USP8: variants seen among roughly 807,000 people sequenced by gnomAD.
USP8 encodes ubiquitin specific peptidase 8, also known as ubiquitin carboxyl-terminal hydrolase 8.
In USP8, 27 loss-of-function variants were observed where a neutral mutation model predicts 130.0. The ratio of observed to expected loss-of-function variants is 0.21; its 90% confidence interval spans 0.15 to 0.29. USP8 has a LOEUF of 0.29. Among genes scored for constraint, USP8 ranks in the 10% least tolerant of loss-of-function variants. The probability of loss-of-function intolerance (pLI) is 1.00; values close to 1 mark genes in which losing one functional copy is unlikely to be tolerated. For synonymous variants in USP8, 392 were observed against 444.1 expected, an observed-to-expected ratio of 0.88 and a Z score of 1.48; for missense variants, 1,029 against 1,312.2, an observed-to-expected ratio of 0.78 and a Z score of 3.33.
Position 50,441,396 on chromosome 15 carries a change from G to A in USP8, c.152G>A (p.Arg51Lys). Residue 51 changes from arginine (R) to lysine (K), a missense_variant, in exon 3 of 20, where the codon AGA becomes AAA. Arg to Lys is a conservative substitution (Grantham distance 26). Around this residue, in one of 4 missense-constraint regions of USP8, gnomAD observed 281 missense variants for 336.7 expected, o/e 0.83. Transcript: ENST00000307179. Reference protein sequence around the residue: ...LKIFKTAEECRLDRDEERAYV... With the variant: ...LKIFKTAEECKLDRDEERAYV... ...ATCTTTAAGACAGCAGAAGAATGCA[G>A]ATTAGATCGTGATGAGGAAAGGGCC... 2 of 1,610,020 alleles carry A rather than the reference G, an allele frequency of 1.2e-6. No individual in the cohort carries two copies. The highest frequency in any genetic ancestry group is 1.7e-6 in the Non-Finnish European group (2 of 1,179,316).
intron 1 of USP8, among the ~76,000 whole-genome samples, chr15:50,431,490 C>A (rs1479939265): frequency 6.6e-6 from 1 of 151,972 alleles, no homozygotes; most frequent in Non-Finnish European, 1.5e-5. Flanking sequence ...TCTTGTTAGT[C>A]AACATTTTTT....
At chr15:50,496,142 A>C in intron 17 of USP8, 58 bp downstream of exon 17, 5 of 1,355,976 alleles carry the variant, frequency 3.7e-6, no homozygotes, top group Non-Finnish European at 5.1e-6. Flanking sequence ...GTTTTTATGG[A>C]TATAGAGATG....
At chr15:50,498,560 CCT>C (rs759804961) in intron 18 of USP8, 34 bp from the exon 19 acceptor site, 1 of 1,567,802 alleles carries the variant, frequency 6.4e-7, no homozygotes, top group South Asian at 1.2e-5. Context: ...CTGGTATCTT[CCT>C]CTGTCAGTGT....
chr15:50,432,068 A>G (rs1346499179), intron 1 of USP8, among the ~76,000 whole-genome samples: 1 of 152,194 alleles, frequency 6.6e-6, no homozygotes, highest in Non-Finnish European at 1.5e-5. Context: ...TTAAAGCCTT[A>G]TAGTAATTGT....
chr15:50,456,883 GAAAAAAAGAAAAAGA>G (rs1310431444), intron 4 of USP8, among the ~76,000 whole-genome samples: 6 of 151,426 alleles, frequency 4.0e-5, no homozygotes, highest in African/African-American at 1.2e-4. Context: ...GAGACTCTGT[GAAAAAAAGAAAAAGA>G]AAAAAAAGAA....
Position 50,471,750 on chromosome 15 carries a change from A to G in USP8, c.804A>G (p.Leu268=), listed in dbSNP as rs1453601268. Residue 268 remains leucine (L), a synonymous_variant, in exon 8 of 20, where the codon TTA becomes TTG. Coordinates refer to ENST00000307179, the MANE Select transcript of USP8 (RefSeq NM_005154.5). ...ACTGGTTTAGTTCTGCCAAAGATTT[A>G]CAGATTGGAACAACTCTCCGGAGTC... ...LLDWFSSAKD[L]QIGTTLRSLK... 17 of 1,613,984 alleles carry G rather than the reference A, an allele frequency of 1.1e-5. No homozygotes were observed. Among genetic ancestry groups the G allele is most frequent in the Non-Finnish European group, 1.4e-5 (16 of 1,180,038 alleles).
At chr15:50,434,230 A>G (rs761032736) in intron 1 of USP8, among the ~76,000 whole-genome samples, 1 of 151,706 alleles carries the variant, frequency 6.6e-6, no homozygotes, top group African/African-American at 2.4e-5. Flanking sequence ...AGCCTCCTGA[A>G]TAGCTGGGAT....
At chr15:50,462,432 C>A in intron 6 of USP8, 110 bp downstream of exon 6, 2 of 903,478 alleles carry the variant, frequency 2.2e-6, no homozygotes, top group Non-Finnish European at 1.6e-6. Flanking sequence ...TGTCTAATCT[C>A]TATGTAAGCT....
rs2052574340 is a variant in USP8 at position 50,500,958 on chromosome 15, A to G, written c.*1870A>G. The stretch of plus-strand genomic sequence containing the variant: ...CCTTATTCTAAATTAAAAGGAAGTG[A>G]TAATTTTGTTGTTAAATCATGCATA... On this transcript the variant is annotated 3_prime_UTR_variant, in exon 20 of 20. Coordinates refer to ENST00000307179, the MANE Select transcript of USP8 (RefSeq NM_005154.5). The G allele has an allele frequency of 5.8e-6, 5 of 858,450 alleles. No individual in the cohort carries two copies. In the South Asian group the frequency reaches 7.7e-5, roughly 13 times the overall value. 53.2% of individuals were successfully genotyped at this position (858,450 alleles called of 1,614,324 possible). A position where few individuals can be genotyped will look rare whatever the true frequency, so the allele number is the denominator to read the frequency against.
intron 4 of USP8, among the ~76,000 whole-genome samples, chr15:50,454,530 G>C (rs962483872): frequency 2.8e-5 from 4 of 144,812 alleles, no homozygotes; most frequent in African/African-American, 1.0e-4. Context: ...ATCTTGGCTT[G>C]CTGCAGCCTC....
At chr15:50,449,526 A>G (rs1395722095) in intron 4 of USP8, 41 bp downstream of exon 4, 3 of 1,312,160 alleles carry the variant, frequency 2.3e-6, no homozygotes, top group African/African-American at 1.5e-5. Flanking sequence ...GTAAATTTAG[A>G]AGATAAAAAT....
chr15:50,474,929 C>T (rs902319326), intron 8 of USP8, among the ~76,000 whole-genome samples: 5 of 152,018 alleles, frequency 3.3e-5, no homozygotes, highest in African/African-American at 9.6e-5. Flanking sequence ...GCCAACATGG[C>T]GAAACCCCAT....
intron 11 of USP8, among the ~76,000 whole-genome samples, chr15:50,483,566 G>A (rs896949264): frequency 6.6e-6 from 1 of 152,192 alleles, no homozygotes; most frequent in Non-Finnish European, 1.5e-5. Context: ...AGGCCTAGAC[G>A]AGCGGATCAC....
chr15:50,482,387 A>G (rs777126824), intron 11 of USP8, among the ~76,000 whole-genome samples: 3 of 152,270 alleles, frequency 2.0e-5, no homozygotes, highest in Admixed American at 6.5e-5. Context: ...AGAGTGAAAT[A>G]TAATCTCCTT....
intron 17 of USP8, among the ~76,000 whole-genome samples, chr15:50,496,621 A>ATTGT (rs1336729821): frequency 6.6e-6 from 1 of 151,800 alleles, no homozygotes; most frequent in Non-Finnish European, 1.5e-5. Flanking sequence ...GGATTTCAGG[A>ATTGT]TTGTTAGTAT....
intron 4 of USP8, among the ~76,000 whole-genome samples, chr15:50,455,903 A>G (rs571820860): frequency 3.5e-4 from 53 of 152,296 alleles, no homozygotes; most frequent in African/African-American, 1.3e-3. Context: ...TGGGGTCTTT[A>G]TTGGAATTTT....
rs976080656 is a variant in USP8, at chr15:50,500,752, G to A, written c.*1664G>A. On this transcript the variant is annotated 3_prime_UTR_variant, in exon 20 of 20. Coordinates refer to ENST00000307179, the MANE Select transcript of USP8 (RefSeq NM_005154.5). The stretch of plus-strand genomic sequence containing the variant: ...AGTATCTGGAATCTCACTGACTCGT[G>A]TGTTATCAAAGCTATATCAGGCCTG... 3 of 1,577,764 alleles carry A rather than the reference G, an allele frequency of 1.9e-6. No individual in the cohort carries two copies. The highest frequency in any genetic ancestry group is 2.3e-5 in the East Asian group (1 of 43,550).
In USP8 at chr15:50,439,286, C is replaced by G. The variant is rs1369207928; in HGVS notation, c.104+109C>G. On this transcript the variant is annotated intron_variant, in intron 2 of 19. Coordinates refer to ENST00000307179, the MANE Select transcript of USP8 (RefSeq NM_005154.5). ...GTTTATTTGAAAAATAACACCATCA[C>G]ACGAATAAAGTAGGACCTCCTTAGA... The G allele has an allele frequency of 8.4e-6, 6 of 710,524 alleles. 1 individual carries two copies. The highest frequency in any genetic ancestry group is 1.3e-5 in the Non-Finnish European group (6 of 453,066). The allele number at this position is 710,524 out of a possible 1,614,324, so 44.0% of individuals were successfully genotyped here.
intron 1 of USP8, among the ~76,000 whole-genome samples, chr15:50,433,806 C>T (rs535317597): frequency 7.2e-5 from 11 of 152,188 alleles, no homozygotes; most frequent in East Asian, 1.9e-4. Flanking sequence ...GGGGTTTCAC[C>T]GTGTTAGCCA....
Sources: allele counts gnomAD v4.1 joint callset (sites outside exome capture counted in the v4.1 genomes callset), GRCh38; gene constraint gnomAD v4.1.1; regional missense constraint gnomAD v4.1.1; transcripts MANE v1.5; gene names NCBI Gene and HGNC (gene_info 2026-07-23, HGNC 2026-07-21).